COL20A1: variants seen among roughly 807,000 people sequenced by gnomAD.
The protein encoded by COL20A1 is collagen type XX alpha 1 chain, also known as collagen alpha-1(XX) chain.
A neutral mutation model predicts 152.9 loss-of-function variants in COL20A1; 164 were observed. The observed-to-expected ratio is 1.07, with a 90% CI of 0.94 to 1.22. The LOEUF is 1.22. Among genes scored for constraint, COL20A1 ranks in the 50% most tolerant of loss-of-function variants. COL20A1 has a pLI of 0.00. For missense variants in COL20A1, 1,873 were observed against 1,744.8 expected (o/e 1.07, Z -1.31); for synonymous variants, 864 against 756.0 (o/e 1.14, Z -2.34).
chr20:63,307,703 C>G (rs901655592), intron 6 of COL20A1, 55 bp downstream of exon 6: 2 of 1,566,200 alleles, frequency 1.3e-6, no homozygotes, highest in Middle Eastern at 1.7e-4. Flanking sequence ...CCCCACAGCT[C>G]TGCCAGAGGA....
intron 3 of COL20A1, among the ~76,000 whole-genome samples, chr20:63,298,697 C>G (rs542010659): frequency 8.5e-5 from 13 of 152,218 alleles, no homozygotes; most frequent in African/African-American, 2.7e-4. Flanking sequence ...CTGCTCCCCA[C>G]GCGTTAATCC....
Position 63,311,953 on chromosome 20 carries a change from C to T in COL20A1, c.1701C>T (p.Asp567=), listed in dbSNP as rs766267536. ...CCCCGAGACACCTGGGCTTCTCAGA[C>T]GTGAGCCACGACGCGGCACGAGTGT... The part of the protein sequence containing the change: ...LAPPRHLGFS[D]VSHDAARVFW... The change falls in exon 14 of 36, where the codon GAC becomes GAT. Residue 567 remains aspartate, a synonymous_variant. Transcript: ENST00000358894. This position sits in a 1 kb window ranked among gnomAD's most constrained non-coding sequence, Gnocchi z 4.4. 33 of 1,589,292 alleles carry T rather than the reference C, an allele frequency of 2.1e-5. No homozygotes were observed. The South Asian group carries it at 3.3e-4, about 16-fold the overall frequency.
chr20:63,308,180 G>A (rs1195160860), intron 7 of COL20A1, 90 bp downstream of exon 7: 9 of 1,497,592 alleles, frequency 6.0e-6, no homozygotes, highest in African/African-American at 1.4e-5. Flanking sequence ...TGTAAATCGA[G>A]CTCCAAGTGG....
In COL20A1 at chr20:63,307,481, C is replaced by T; in HGVS notation, c.497-9C>T. The T allele has an allele frequency of 1.9e-6, 3 of 1,609,250 alleles. No homozygotes were observed. The highest frequency in any genetic ancestry group is 2.5e-6 in the Non-Finnish European group (3 of 1,178,496). On this transcript the variant is annotated splice_polypyrimidine_tract_variant and intron_variant, in intron 5 of 35. Transcript: ENST00000358894. ...TCACCTAGCACCTGACCCGCTCCCA[C>T]CGCCCCAGCCGGCCCCCAGTTCCGC...
In COL20A1 at chr20:63,308,058, G is replaced by A. The variant is rs199535047; in HGVS notation, c.743G>A (p.Arg248His). ...TKEQVLAAVR[R>H]LRYKGGNTFT... ...GAACAGGTGCTGGCAGCTGTGCGCC[G>A]CCTCCGCTACAAGGGGGGGAACACG... Residue 248 changes from arginine to histidine, a missense_variant, in exon 7 of 36, where the codon CGC (arginine) becomes CAC (histidine). By Grantham distance (29) the Arg-to-His change is conservative (BLOSUM62 0). Coordinates refer to ENST00000358894, the MANE Select transcript of COL20A1 (RefSeq NM_020882.4). The A allele has an allele frequency of 9.0e-4, 1,450 of 1,612,438 alleles. 1 individual carries two copies. The highest frequency in any genetic ancestry group is 1.7e-3 in the Admixed American group (101 of 59,988).
In COL20A1 at chr20:63,310,375, T is replaced by A. The variant is rs776285335; in HGVS notation, c.1264-6T>A. On this transcript the variant is annotated splice_polypyrimidine_tract_variant and splice_region_variant and intron_variant, in intron 10 of 35. Coordinates refer to ENST00000358894, the MANE Select transcript of COL20A1 (RefSeq NM_020882.4). ...CCTGGCTCCGTCCTTGCCCACTCTG[T>A]TCCAGGTGGTGGTGGAGGGACCCGC... The A allele has an allele frequency of 4.3e-6, 7 of 1,610,960 alleles. No homozygotes were observed. Among genetic ancestry groups the A allele is most frequent in the Non-Finnish European group, 5.9e-6 (7 of 1,179,254 alleles).
Position 63,311,924 on chromosome 20 carries a change from G to C in COL20A1, c.1672G>C (p.Ala558Pro). ...TCTGCTGTGCTTTGCAGCCACCCTG[G>C]CCCCCCCGAGACACCTGGGCTTCTC... ...RGIRARTPTLAPPRHLGFSDV... is the reference protein window; with the variant it reads ...RGIRARTPTLPPPRHLGFSDV... The change falls in exon 14 of 36, where the codon GCC (alanine) becomes CCC (proline). Residue 558 changes from alanine to proline, a missense_variant. Physicochemically the swap from Ala to Pro is conservative, Grantham distance 27. Transcript: ENST00000358894. This position sits in a 1 kb window ranked among gnomAD's most constrained non-coding sequence, Gnocchi z 4.4. 1 of 1,553,590 alleles carries C rather than the reference G, an allele frequency of 6.4e-7. No individual in the cohort carries two copies. The highest frequency in any genetic ancestry group is 8.7e-7 in the Non-Finnish European group (1 of 1,153,006).
In COL20A1 at chr20:63,306,158, C is replaced by T. The variant is rs1046388008; in HGVS notation, c.496+119C>T. 1.4e-5 allele frequency: 13 copies of T among 899,046 alleles called. No homozygotes were observed. The East Asian group carries it at 2.8e-4, about 19-fold the overall frequency. The allele number at this position is 899,046 out of a possible 1,614,324, so 55.7% of individuals were successfully genotyped here. ...TGTCTGACCACACGGTCTCTGACCA[C>T]GAGGCCAGGAAGTTCTTCCTCGTGT... On this transcript the variant is annotated intron_variant, in intron 5 of 35. Transcript: ENST00000358894. This position sits in a 1 kb window ranked among gnomAD's most constrained non-coding sequence, Gnocchi z 6.9.
chr20:63,321,438 G>T (rs376463583), intron 26 of COL20A1, among the ~76,000 whole-genome samples: 1 of 152,200 alleles, frequency 6.6e-6, no homozygotes, highest in Non-Finnish European at 1.5e-5. Context: ...CTCCTCTGGC[G>T]TGGAATCCAG....
intron 5 of COL20A1, 109 bp from the exon 6 acceptor site, chr20:63,307,381 T>C (rs2067938730): frequency 3.7e-6 from 4 of 1,078,232 alleles, no homozygotes; most frequent in Admixed American, 2.3e-5. Context: ...CCCTGAAACC[T>C]GGCCCAGCCT....
intron 14 of COL20A1, 138 bp from the exon 15 acceptor site, chr20:63,312,282 C>A: frequency 8.4e-7 from 1 of 1,193,296 alleles, no homozygotes; most frequent in Non-Finnish European, 1.1e-6. Context: ...CCTCCCATCC[C>A]TCAGGACAAG....
chr20:63,313,737 G>A lies in COL20A1; in HGVS notation c.2210-6G>A, dbSNP rs535167192. 27 of 1,574,620 alleles carry A rather than the reference G, an allele frequency of 1.7e-5. No individual in the cohort carries two copies. Among genetic ancestry groups the A allele is most frequent in the South Asian group, 1.1e-4 (9 of 84,844 alleles). ...TGAGCCCCACACAACCCATGCTCTC[G>A]GCCAGCCACGGTGAGCAGGAGCCCA... On this transcript the variant is annotated splice_region_variant and splice_polypyrimidine_tract_variant and intron_variant, in intron 17 of 35. Transcript: ENST00000358894. This position sits in a 1 kb window ranked among gnomAD's most constrained non-coding sequence, Gnocchi z 5.9.
At chr20:63,299,911 T>C (rs1005411860) in intron 3 of COL20A1, among the ~76,000 whole-genome samples, 2 of 151,732 alleles carry the variant, frequency 1.3e-5, no homozygotes, top group African/African-American at 4.9e-5. Flanking sequence ...TGTGTATATA[T>C]ATATGTATAC....
chr20:63,316,016 G>A (rs1375718057), intron 20 of COL20A1, among the ~76,000 whole-genome samples: 10 of 152,342 alleles, frequency 6.6e-5, no homozygotes, highest in Admixed American at 5.2e-4. Context: ...GCGGCTCTGC[G>A]CGGTGGGGCT....
At position 63,334,220 on chromosome 20, in the gene COL20A1, C is replaced by A. The variant is rs1272514629; in HGVS notation, c.*3504C>A. 6.6e-6 allele frequency: 1 copy of A among 152,216 alleles called. No individual in the cohort carries two copies. Among genetic ancestry groups the A allele is most frequent in the Non-Finnish European group, 1.5e-5 (1 of 68,038 alleles). 9.4% of individuals were successfully genotyped at this position (152,216 alleles called of 1,614,324 possible). The stretch of plus-strand genomic sequence containing the variant: ...AAACTGGAAAAACAACCAATGATAA[C>A]AAGCTAAAGAATGCCTCTAGAAGCT... On this transcript the variant is annotated 3_prime_UTR_variant, in exon 36 of 36. Coordinates refer to ENST00000358894, the MANE Select transcript of COL20A1 (RefSeq NM_020882.4).
At chr20:63,328,854 C>T (rs1042952816) in intron 34 of COL20A1, among the ~76,000 whole-genome samples, 18 of 151,684 alleles carry the variant, frequency 1.2e-4, no homozygotes, top group Admixed American at 2.0e-4. Flanking sequence ...TCCCCACTCC[C>T]GCCCTCTTAT....
Position 63,313,013 on chromosome 20 carries a change from C to G in COL20A1, c.2076+79C>G. ...TGAAGCCAAAGTCTAGGGCTCAGAG[C>G]CATATGTGCGCCCACCCTGTCTCCC... On this transcript the variant is annotated intron_variant, in intron 16 of 35. Transcript: ENST00000358894. This position sits in a 1 kb window ranked among gnomAD's most constrained non-coding sequence, Gnocchi z 5.9. 2.0e-6 allele frequency: 3 copies of G among 1,536,582 alleles called. No homozygotes were observed. Among genetic ancestry groups the G allele is most frequent in the Non-Finnish European group, 2.6e-6 (3 of 1,136,118 alleles).
In COL20A1 at chr20:63,320,074, C is replaced by G. The variant is rs765305506; in HGVS notation, c.2952C>G (p.Leu984=). 6 of 1,555,612 alleles carry G rather than the reference C, an allele frequency of 3.9e-6. No individual in the cohort carries two copies. The highest frequency in any genetic ancestry group is 2.4e-5 in the East Asian group (1 of 41,198). The change falls in exon 24 of 36, where the codon CTC becomes CTG. Residue 984 remains leucine (L), a synonymous_variant. Coordinates refer to ENST00000358894, the MANE Select transcript of COL20A1 (RefSeq NM_020882.4). The stretch of plus-strand genomic sequence containing the variant: ...CTGTGGGCCGCTCCAAGGTCAGGCT[C>G]TATGTGGACTGCCGGAAGGTGGCTG... ...HVAVGRSKVR[L]YVDCRKVAER...
chr20:63,306,879 C>G lies in COL20A1; in HGVS notation c.497-611C>G, dbSNP rs1421101033. The stretch of plus-strand genomic sequence containing the variant: ...CTCGGGTCCGCTGCTGTCCTCCCCT[C>G]AGGGTGCTGGGCTCTGCTGGGTCCC... On this transcript the variant is annotated intron_variant, in intron 5 of 35. Coordinates refer to ENST00000358894, the MANE Select transcript of COL20A1 (RefSeq NM_020882.4). The surrounding 1 kb of genome is among the most constrained non-coding windows in gnomAD (Gnocchi z 6.9). Among the ~76,000 whole-genome samples, 1 of 152,194 alleles carries G rather than the reference C, an allele frequency of 6.6e-6. No homozygotes were observed.
Sources: gnomAD v4.1 joint callset for allele counts (sites outside exome capture counted in the v4.1 genomes callset) on GRCh38, gnomAD v4.1.1 for gene constraint, Gnocchi (gnomAD v3.1) non-coding constraint, MANE v1.5 for transcripts, NCBI Gene and HGNC (gene_info 2026-07-23, HGNC 2026-07-21) for gene names.